The following PMFBP1 variants were observed in gnomAD, a reference collection of about 807,000 sequenced individuals.
PMFBP1 encodes polyamine modulated factor 1 binding protein 1.
PMFBP1 carries 131 observed loss-of-function variants against 137.8 expected under a neutral mutation model. The observed-to-expected ratio is 0.95, with a 90% CI of 0.82 to 1.10. The LOEUF is 1.10. Among genes scored for constraint, PMFBP1 ranks in the 50% least tolerant of loss-of-function variants. The pLI is 0.00. For missense variants in PMFBP1, 1,199 were observed against 1,175.4 expected (o/e 1.02, Z -0.29); for synonymous variants, 490 against 450.4 (o/e 1.09, Z -1.11).
At chr16:72,128,384 T>A in intron 14 of PMFBP1, 1 of 1,392,430 alleles carries the variant, frequency 7.2e-7, no homozygotes, top group Non-Finnish European at 9.3e-7. Flanking sequence ...AACTCTGGTC[T>A]AAAATGTAAC....
the PMFBP1 span, among the ~76,000 whole-genome samples, chr16:72,240,943 G>A: frequency 5.3e-5 from 8 of 151,018 alleles, no homozygotes; most frequent in East Asian, 1.9e-4. Context: ...CAGGGAGAGC[G>A]TGCAAGAGAG....
intron 19 of PMFBP1, among the ~76,000 whole-genome samples, chr16:72,120,885 A>G (rs1353005529): frequency 1.3e-5 from 2 of 152,174 alleles, no homozygotes; most frequent in African/African-American, 4.8e-5. Flanking sequence ...GATCATGACT[A>G]TACTGAACAC....
At chr16:72,149,766 T>A (rs1459123881) in intron 5 of PMFBP1, among the ~76,000 whole-genome samples, 1 of 152,168 alleles carries the variant, frequency 6.6e-6, no homozygotes, top group African/African-American at 2.4e-5. Context: ...GAGGCCTCAG[T>A]GAGCCAAGAT....
the PMFBP1 span, among the ~76,000 whole-genome samples, chr16:72,191,856 C>T: frequency 6.6e-6 from 1 of 152,180 alleles, no homozygotes; most frequent in African/African-American, 2.4e-5. Flanking sequence ...TGCTTCTACT[C>T]TTTGGGGACA....
intron 17 of PMFBP1, among the ~76,000 whole-genome samples, chr16:72,124,383 A>G (rs1255607756): frequency 6.6e-6 from 1 of 152,134 alleles, no homozygotes; most frequent in African/African-American, 2.4e-5. Flanking sequence ...CCTGCCATGA[A>G]CTTCACTGCT....
Position 72,127,493 on chromosome 16 carries a change from C to A in PMFBP1, c.2088+1164G>T, listed in dbSNP as rs1445479457. ...AAATGATGGCTGAACTGAGAAATGT[C>A]AGTATAGAGGTAAGACACTAAAACT... On this transcript the variant is annotated intron_variant, in intron 14 of 20. Transcript: ENST00000237353. Among the ~76,000 whole-genome samples, 3 of 151,888 alleles carry A rather than the reference C, an allele frequency of 2.0e-5. No individual in the cohort carries two copies. The South Asian group carries it at 6.2e-4, about 32-fold the overall frequency.
chr16:72,120,795 A>T (rs1336599346), intron 19 of PMFBP1, among the ~76,000 whole-genome samples: 1 of 152,116 alleles, frequency 6.6e-6, no homozygotes, highest in Non-Finnish European at 1.5e-5. Context: ...TGGAATTGTG[A>T]CTCTGCCACT....
intron 5 of PMFBP1, among the ~76,000 whole-genome samples, chr16:72,143,544 AC>A (rs1567630865): frequency 6.8e-6 from 1 of 148,110 alleles, no homozygotes; most frequent in East Asian, 2.0e-4. Flanking sequence ...GGAGTTCAAG[AC>A]CAGCCTGGCC....
At chr16:72,238,202 T>G in the PMFBP1 span, among the ~76,000 whole-genome samples, 12 of 152,212 alleles carry the variant, frequency 7.9e-5, no homozygotes, top group African/African-American at 2.9e-4. Context: ...GTGGTTCTGT[T>G]TTTAGGTCTT....
intron 2 of PMFBP1, among the ~76,000 whole-genome samples, chr16:72,170,273 A>G (rs1197794959): frequency 6.6e-6 from 1 of 151,512 alleles, no homozygotes; most frequent in Non-Finnish European, 1.5e-5. Context: ...GGCTCCAGTA[A>G]TGCAGCAGGA....
At chr16:72,208,903 T>A in the PMFBP1 span, among the ~76,000 whole-genome samples, 3 of 152,210 alleles carry the variant, frequency 2.0e-5, no homozygotes, top group Non-Finnish European at 4.4e-5. Flanking sequence ...TTGGTCCCCA[T>A]CTGATCAGTG....
upstream of PMFBP1, among the ~76,000 whole-genome samples, chr16:72,179,967 G>A (rs937509597): frequency 6.6e-6 from 1 of 152,144 alleles, no homozygotes; most frequent in Non-Finnish European, 1.5e-5. Context: ...GTGTTCGAGG[G>A]GTGGGGAGCT....
intron 5 of PMFBP1, among the ~76,000 whole-genome samples, chr16:72,143,594 T>C (rs1245684777): frequency 1.3e-5 from 2 of 151,480 alleles, no homozygotes; most frequent in Non-Finnish European, 2.9e-5. Flanking sequence ...ATAACAAAAA[T>C]TAGCTGTCTG....
At chr16:72,157,012 C>T (rs1448463457) in intron 3 of PMFBP1, among the ~76,000 whole-genome samples, 1 of 151,106 alleles carries the variant, frequency 6.6e-6, no homozygotes, top group Non-Finnish European at 1.5e-5. Context: ...ACGGTGAAAC[C>T]CCATCTCTAC....
At chr16:72,196,856 C>G in the PMFBP1 span, among the ~76,000 whole-genome samples, 4 of 152,210 alleles carry the variant, frequency 2.6e-5, no homozygotes, top group Admixed American at 6.5e-5. Context: ...AGGAGTATGT[C>G]AGCAAGATAA....
At chr16:72,238,867 G>C in the PMFBP1 span, among the ~76,000 whole-genome samples, 1 of 152,062 alleles carries the variant, frequency 6.6e-6, no homozygotes, top group Non-Finnish European at 1.5e-5. Flanking sequence ...TTGGTGGGGT[G>C]GGCGTTACTG....
intron 3 of PMFBP1, among the ~76,000 whole-genome samples, chr16:72,162,583 A>T (rs998289735): frequency 6.6e-6 from 1 of 152,128 alleles, no homozygotes; most frequent in African/African-American, 2.4e-5. Context: ...TCTTAAAGGG[A>T]TTTTCCGAGC....
At chr16:72,191,581 G>C in the PMFBP1 span, among the ~76,000 whole-genome samples, 1 of 152,236 alleles carries the variant, frequency 6.6e-6, no homozygotes, top group East Asian at 1.9e-4. Flanking sequence ...CAGTTTACCA[G>C]AATTGGGGAT....
chr16:72,190,239 T>A, the PMFBP1 span, among the ~76,000 whole-genome samples: 1 of 151,938 alleles, frequency 6.6e-6, no homozygotes, highest in Non-Finnish European at 1.5e-5. Flanking sequence ...AAGGAGGGGG[T>A]TGGTTTTAGG....
Sources: gnomAD v4.1 joint callset for allele counts (sites outside exome capture counted in the v4.1 genomes callset) on GRCh38, gnomAD v4.1.1 for gene constraint, MANE v1.5 for transcripts, NCBI Gene and HGNC (gene_info 2026-07-23, HGNC 2026-07-21) for gene names.